The following IDNK variants were observed in gnomAD, a reference collection of about 807,000 sequenced individuals.
The protein encoded by IDNK is IDNK gluconokinase, also known as gluconokinase.
In IDNK, 9 loss-of-function variants were observed where a neutral mutation model predicts 13.0. The ratio of observed to expected loss-of-function variants is 0.69; its 90% CI spans 0.42 to 1.21. IDNK has a LOEUF of 1.21. Among genes scored for constraint, IDNK ranks in the 50% most tolerant of loss-of-function variants. The probability of loss-of-function intolerance (pLI) is 0.00; values close to 1 mark genes in which losing one functional copy is unlikely to be tolerated. For synonymous variants in IDNK, 92 were observed against 94.9 expected (o/e 0.97, Z 0.18); for missense variants, 210 against 237.8 (o/e 0.88, Z 0.77).
At chr9:83,642,481 AT>A (rs1831337868) in intron 4 of IDNK, among the ~76,000 whole-genome samples, 1 of 149,314 alleles carries the variant, frequency 6.7e-6, no homozygotes, top group East Asian at 2.0e-4. Flanking sequence ...ATGAGAGTCT[AT>A]TTTTACAGTA....
intron 3 of IDNK, among the ~76,000 whole-genome samples, chr9:83,631,568 C>T (rs59649332): frequency 0.083 from 12,623 of 151,342 alleles, 1,705 homozygotes; most frequent in African/African-American, 0.29. Flanking sequence ...GCTGTGACTG[C>T]ACTACTGCAC....
intron 1 of IDNK, among the ~76,000 whole-genome samples, chr9:83,624,697 GCTT>G (rs893988627): frequency 7.6e-6 from 1 of 132,358 alleles, no homozygotes; most frequent in Non-Finnish European, 1.6e-5. Flanking sequence ...CTGAGGCTTA[GCTT>G]CTTTTGTTTT....
intron 3 of IDNK, among the ~76,000 whole-genome samples, chr9:83,640,768 C>T (rs1406656686): frequency 1.3e-5 from 2 of 152,164 alleles, no homozygotes; most frequent in Non-Finnish European, 2.9e-5. Flanking sequence ...TCGCTTGAAC[C>T]CAGAAGGCAG....
intron 4 of IDNK, among the ~76,000 whole-genome samples, chr9:83,642,729 G>A (rs757566957): frequency 3.3e-5 from 5 of 152,178 alleles, no homozygotes; most frequent in Non-Finnish European, 7.3e-5. Context: ...CAGCAGCCAA[G>A]TGGAAGCTGT....
intron 4 of IDNK, among the ~76,000 whole-genome samples, chr9:83,642,588 C>G (rs1484625617): frequency 6.6e-6 from 1 of 151,878 alleles, no homozygotes; most frequent in Non-Finnish European, 1.5e-5. Context: ...AGGGGAGGCC[C>G]CTTCCTTCAG....
rs1334157206 is a variant in IDNK, at chr9:83,643,609, C to T, written c.393C>T (p.Ile131=). 2 of 1,613,852 alleles carry T rather than the reference C, an allele frequency of 1.2e-6. No individual in the cohort carries two copies. The highest frequency in any genetic ancestry group is 1.7e-6 in the Non-Finnish European group (2 of 1,180,014). Residue 131 remains isoleucine, a synonymous_variant, in exon 5 of 5, where the codon ATC becomes ATT. Coordinates refer to ENST00000376419, the MANE Select transcript of IDNK (RefSeq NM_001001551.4). ...ATCTGAGCGGGTCGTTTGAGGTCATCTCTGGACGCTTACTCAAAAGAGAGG... is the reference window on the plus strand; with the variant it reads ...ATCTGAGCGGGTCGTTTGAGGTCATTTCTGGACGCTTACTCAAAAGAGAGG... ...VVHLSGSFEV[I]SGRLLKREGH...
At chr9:83,635,397 G>A (rs543524592) in intron 3 of IDNK, among the ~76,000 whole-genome samples, 4 of 152,344 alleles carry the variant, frequency 2.6e-5, no homozygotes, top group Admixed American at 2.6e-4. Flanking sequence ...CTGGTGGCGC[G>A]AGACCATGCA....
chr9:83,629,871 G>A (rs1830964672), intron 3 of IDNK, among the ~76,000 whole-genome samples: 1 of 152,254 alleles, frequency 6.6e-6, no homozygotes, highest in African/African-American at 2.4e-5. Context: ...ATGTTTTCGA[G>A]TGAATGAATG....
chr9:83,635,500 T>C (rs1278966884), intron 3 of IDNK, among the ~76,000 whole-genome samples: 1 of 152,234 alleles, frequency 6.6e-6, no homozygotes, highest in African/African-American at 2.4e-5. Flanking sequence ...CATTTCAATC[T>C]ACAGTGCCCT....
At chr9:83,640,141 T>C (rs138713991) in intron 3 of IDNK, among the ~76,000 whole-genome samples, 70 of 152,248 alleles carry the variant, frequency 4.6e-4, no homozygotes, top group African/African-American at 1.6e-3. Flanking sequence ...CTGAATACAA[T>C]ACAATGCTCA....
At chr9:83,626,564 G>C in intron 1 of IDNK, 1 of 488,566 alleles carries the variant, frequency 2.0e-6, no homozygotes, top group East Asian at 7.4e-5. Context: ...TTACAGGCGT[G>C]CACCACCACA....
chr9:83,623,276 A>T (rs936427088), intron 1 of IDNK, 55 bp downstream of exon 1: 7 of 1,343,326 alleles, frequency 5.2e-6, no homozygotes, highest in Non-Finnish European at 6.8e-6. Context: ...GGCGCGGCGG[A>T]GGCCGGACGC....
intron 1 of IDNK, 119 bp downstream of exon 1, chr9:83,623,340 T>C (rs1240304650): frequency 8.2e-6 from 8 of 978,964 alleles, no homozygotes; most frequent in Non-Finnish European, 1.1e-5. Flanking sequence ...CCCTTCCCTT[T>C]GCAGATGAAG....
At chr9:83,635,054 TA>T (rs1019646677) in intron 3 of IDNK, among the ~76,000 whole-genome samples, 5 of 152,156 alleles carry the variant, frequency 3.3e-5, no homozygotes, top group Admixed American at 6.5e-5. Context: ...AATAAAGCCT[TA>T]AAAGTCCCAT....
rs748537708 is a variant in IDNK at position 83,643,681 on chromosome 9, G to C, written c.465G>C (p.Leu155=). 4.3e-6 allele frequency: 7 copies of C among 1,613,768 alleles called. No homozygotes were observed. In the Admixed American group the frequency reaches 8.3e-5, roughly 19 times the overall value. Residue 155 remains leucine, a synonymous_variant, in exon 5 of 5, where the codon CTG becomes CTC. Coordinates refer to ENST00000376419, the MANE Select transcript of IDNK (RefSeq NM_001001551.4). ...TATTGCAGTCCCAGTTTGAGACTCT[G>C]GAGCCCCCAGCAGCTCCAGAAAACT... The part of the protein sequence containing the change: ...PELLQSQFET[L]EPPAAPENFI...
At position 83,623,402 on chromosome 9, in the gene IDNK, C is replaced by T. The variant is rs1266986192; in HGVS notation, c.50+181C>T. On this transcript the variant is annotated intron_variant, in intron 1 of 4. Transcript: ENST00000376419. ...CTCTCCCCGCCCTCCAGCCTGCTCG[C>T]GGGGCGCCCATCCTGGGACCGCATC... 4.8e-6 allele frequency: 3 copies of T among 629,840 alleles called. No homozygotes were observed. The East Asian group carries it at 1.0e-4, about 22-fold the overall frequency. The allele number at this position is 629,840 out of a possible 1,614,324, so 39.0% of individuals were successfully genotyped here.
chr9:83,644,118 G>A lies in IDNK; in HGVS notation c.*338G>A, dbSNP rs187443312. The A allele has an allele frequency of 1.3e-3, 337 of 255,908 alleles. 1 individual carries two copies. Among genetic ancestry groups the A allele is most frequent in the Non-Finnish European group, 9.5e-4 (125 of 131,320 alleles). 15.9% of individuals were successfully genotyped at this position (255,908 alleles called of 1,614,324 possible). A position where few individuals can be genotyped will look rare whatever the true frequency, so the allele number is the denominator to read the frequency against. The stretch of plus-strand genomic sequence containing the variant: ...TATTTGCACAAATAAATGAAACTTC[G>A]CTGTCCTTGGCATTCCCTGGAAATT... On this transcript the variant is annotated 3_prime_UTR_variant, in exon 5 of 5. Transcript: ENST00000376419.
chr9:83,626,849 A>C, intron 1 of IDNK: 1 of 1,092,702 alleles, frequency 9.2e-7, no homozygotes. Flanking sequence ...AACTAATGGG[A>C]AAGGTTTCAC....
chr9:83,641,904 TCA>T (rs1374476215), intron 4 of IDNK, among the ~76,000 whole-genome samples: 2 of 152,262 alleles, frequency 1.3e-5, no homozygotes, highest in Non-Finnish European at 2.9e-5. Context: ...TAGTTCCTAC[TCA>T]CAGATTTTTG....
Sources: allele counts gnomAD v4.1 joint callset (sites outside exome capture counted in the v4.1 genomes callset), GRCh38; gene constraint gnomAD v4.1.1; transcripts MANE v1.5; gene names NCBI Gene and HGNC (gene_info 2026-07-23, HGNC 2026-07-21).